KCNK9: variants seen among roughly 807,000 people sequenced by gnomAD.
The protein encoded by KCNK9 is potassium two pore domain channel subfamily K member 9.
A neutral mutation model predicts 10.8 loss-of-function variants in KCNK9; 1 was observed. The ratio of observed to expected loss-of-function variants is 0.09; its 90% CI spans 0.03 to 0.44. The LOEUF (loss-of-function observed/expected upper bound fraction) is 0.44. KCNK9 is among the 20% of genes least tolerant of loss of function. KCNK9 has a pLI of 0.97. For synonymous variants in KCNK9, 231 were observed against 222.7 expected (o/e 1.04, Z -0.33); for missense variants, 303 against 515.0 (o/e 0.59, Z 3.98).
rs777829659 is a variant in KCNK9 at position 139,654,957 on chromosome 8, G to A, written c.284-35858C>T. On this transcript the variant is annotated intron_variant, in intron 1 of 1. Transcript: ENST00000520439. ...GGCAGTGAATGGAAAGATGGGTGAC[G>A]GACGGACAAATGCACCATGGATAGA... 2.6e-4 allele frequency among the ~76,000 whole-genome samples: 40 copies of A among 152,126 alleles called. 1 individual carries two copies. The highest frequency in any genetic ancestry group is 9.2e-4 in the African/African-American group (38 of 41,424).
At position 139,617,643 on chromosome 8, in the gene KCNK9, C is replaced by CA. The variant is rs1325741295; in HGVS notation, c.*614dup. ...CTTGATTTGGCAAAATACGATAAAT[C>CA]AAAAACCTTGTGGGTTTTGTCTTCC... On this transcript the variant is annotated 3_prime_UTR_variant, in exon 2 of 2. Transcript: ENST00000520439. Among the ~76,000 whole-genome samples the CA allele has an allele frequency of 1.3e-5, 2 of 152,244 alleles. No homozygotes were observed. The highest frequency in any genetic ancestry group is 2.1e-4 in the South Asian group (1 of 4,824).
chr8:139,691,672 A>G (rs4736292), intron 1 of KCNK9, among the ~76,000 whole-genome samples: 1 of 152,240 alleles, frequency 6.6e-6, no homozygotes, highest in Non-Finnish European at 1.5e-5. Flanking sequence ...GTGTCCATTC[A>G]TTCAGTGGAT....
chr8:139,608,760 T>C (rs1205997112), downstream of KCNK9, among the ~76,000 whole-genome samples: 2 of 152,224 alleles, frequency 1.3e-5, no homozygotes, highest in Non-Finnish European at 2.9e-5. Flanking sequence ...GTCTCAGATC[T>C]GCCTTCTGGG....
At chr8:139,632,458 T>C (rs577193979) in intron 1 of KCNK9, among the ~76,000 whole-genome samples, 5 of 152,304 alleles carry the variant, frequency 3.3e-5, no homozygotes, top group South Asian at 4.1e-4. Flanking sequence ...AGGTGGGTTC[T>C]AGCAGAGACA....
chr8:139,670,818 C>T (rs564578887), intron 1 of KCNK9, among the ~76,000 whole-genome samples: 4 of 152,272 alleles, frequency 2.6e-5, no homozygotes, highest in East Asian at 1.9e-4. Flanking sequence ...TGTTTTTTAA[C>T]GTTAAAAACA....
At chr8:139,687,349 T>C (rs999534638) in intron 1 of KCNK9, among the ~76,000 whole-genome samples, 25 of 68,480 alleles carry the variant, frequency 3.7e-4, no homozygotes, top group African/African-American at 1.2e-3. Context: ...TACATATATA[T>C]ATATGTATAC....
At chr8:139,622,678 T>C (rs1253935085) in intron 1 of KCNK9, among the ~76,000 whole-genome samples, 1 of 152,216 alleles carries the variant, frequency 6.6e-6, no homozygotes, top group Non-Finnish European at 1.5e-5. Flanking sequence ...TCATTCAGTG[T>C]GAGAGTGCTA....
intron 1 of KCNK9, among the ~76,000 whole-genome samples, chr8:139,652,460 T>C (rs1815895540): frequency 6.6e-6 from 1 of 152,124 alleles, no homozygotes; most frequent in Non-Finnish European, 1.5e-5. Context: ...GAGGCACATA[T>C]AGGGGGCTGT....
downstream of KCNK9, among the ~76,000 whole-genome samples, chr8:139,615,227 C>A (rs931297445): frequency 6.6e-6 from 1 of 152,048 alleles, no homozygotes; most frequent in Non-Finnish European, 1.5e-5. Context: ...AGAATCCTCT[C>A]TCTGTGACCT....
At chr8:139,615,770 G>C (rs1297320857), downstream of KCNK9, 5 of 152,060 alleles carry the variant, frequency 3.3e-5, no homozygotes, top group East Asian at 1.9e-4. Context: ...CTGTAGAAGA[G>C]AGAATGTTTT....
At chr8:139,681,099 C>A (rs1050887934) in intron 1 of KCNK9, among the ~76,000 whole-genome samples, 3 of 152,210 alleles carry the variant, frequency 2.0e-5, no homozygotes, top group Non-Finnish European at 4.4e-5. Flanking sequence ...AATCATATCG[C>A]CCTCTGTGCA....
chr8:139,640,383 G>A (rs754241128), intron 1 of KCNK9, among the ~76,000 whole-genome samples: 1 of 152,178 alleles, frequency 6.6e-6, no homozygotes, highest in Non-Finnish European at 1.5e-5. Context: ...GAACCAAGTT[G>A]AGTAAGGCTG....
chr8:139,643,960 C>T (rs1357318795), intron 1 of KCNK9, among the ~76,000 whole-genome samples: 1 of 152,218 alleles, frequency 6.6e-6, no homozygotes, highest in Non-Finnish European at 1.5e-5. Flanking sequence ...GTGGTGTCTG[C>T]CTAGATCCGG....
intron 1 of KCNK9, among the ~76,000 whole-genome samples, chr8:139,628,629 AGATTTGGT>A (rs1815056126): frequency 6.6e-6 from 1 of 152,208 alleles, no homozygotes; most frequent in East Asian, 1.9e-4. Flanking sequence ...AAATCTTGGC[AGATTTGGT>A]GTTTTATTTA....
chr8:139,659,691 T>C (rs887539009), intron 1 of KCNK9, among the ~76,000 whole-genome samples: 2 of 151,406 alleles, frequency 1.3e-5, no homozygotes, highest in African/African-American at 2.4e-5. Flanking sequence ...TTTTTTTTTT[T>C]TTTTTTGGTA....
At chr8:139,672,005 T>A (rs1165615521) in intron 1 of KCNK9, among the ~76,000 whole-genome samples, 1 of 152,146 alleles carries the variant, frequency 6.6e-6, no homozygotes, top group African/African-American at 2.4e-5. Context: ...CCCGCCCTGA[T>A]GAACATGATG....
chr8:139,615,265 C>T (rs1287444040), downstream of KCNK9, among the ~76,000 whole-genome samples: 4 of 152,092 alleles, frequency 2.6e-5, no homozygotes, highest in African/African-American at 9.7e-5. Flanking sequence ...TTCTCTGAAC[C>T]TCAATGTCCT....
intron 1 of KCNK9, among the ~76,000 whole-genome samples, chr8:139,695,480 C>A (rs577900342): frequency 1.3e-5 from 2 of 152,326 alleles, no homozygotes; most frequent in East Asian, 3.9e-4. Flanking sequence ...TCAGCCCTCC[C>A]TTTGGAGGAT....
At chr8:139,657,742 G>A (rs753595601) in intron 1 of KCNK9, among the ~76,000 whole-genome samples, 1 of 152,182 alleles carries the variant, frequency 6.6e-6, no homozygotes, top group Non-Finnish European at 1.5e-5. Context: ...TACTAACAAG[G>A]CCCCATTTTA....
Sources: gnomAD v4.1 joint callset for allele counts (sites outside exome capture counted in the v4.1 genomes callset) on GRCh38, gnomAD v4.1.1 for gene constraint, MANE v1.5 for transcripts, NCBI Gene and HGNC (gene_info 2026-07-23, HGNC 2026-07-21) for gene names.